The following ANK2 variants were observed in gnomAD, a reference collection of about 807,000 sequenced individuals.
ANK2 encodes the protein ankyrin-2.
In ANK2, 83 loss-of-function variants were observed where a neutral mutation model predicts 360.5. The observed-to-expected ratio is 0.23, with a 90% CI of 0.19 to 0.28. The LOEUF is 0.28. Among genes scored for constraint, ANK2 ranks in the 10% least tolerant of loss-of-function variants. The probability of loss-of-function intolerance (pLI) is 1.00; values close to 1 mark genes in which losing one functional copy is unlikely to be tolerated. For missense variants in ANK2, 4,201 were observed against 4,795.7 expected (o/e 0.88, Z 3.66); for synonymous variants, 1,740 against 1,759.5 (o/e 0.99, Z 0.28).
chr4:112,941,289 A>G (rs2154246649), intron 2 of ANK2, among the ~76,000 whole-genome samples: 1 of 147,698 alleles, frequency 6.8e-6, no homozygotes, highest in South Asian at 2.1e-4. Context: ...GTATATATAT[A>G]AAGATATATA....
At chr4:113,359,362 G>A (rs1442212179) in intron 38 of ANK2, 63 bp downstream of exon 38, 1 of 1,596,728 alleles carries the variant, frequency 6.3e-7, no homozygotes, top group African/African-American at 1.3e-5. Context: ...TAGTTTTTTT[G>A]TATGTTTGTT....
intron 2 of ANK2, among the ~76,000 whole-genome samples, chr4:113,012,865 T>G (rs2055233972): frequency 6.6e-6 from 1 of 152,174 alleles, no homozygotes; most frequent in Non-Finnish European, 1.5e-5. Context: ...GCTATTCCAT[T>G]GGATCTCACA....
At chr4:113,343,858 G>T (rs1305683687) in intron 34 of ANK2, among the ~76,000 whole-genome samples, 12 of 152,106 alleles carry the variant, frequency 7.9e-5, no homozygotes, top group Admixed American at 7.9e-4. Context: ...CTAATCCAGA[G>T]GTCCTAACGC....
At chr4:113,175,334 GA>G in intron 2 of ANK2, among the ~76,000 whole-genome samples, 1 of 152,094 alleles carries the variant, frequency 6.6e-6, no homozygotes, top group East Asian at 1.9e-4. Flanking sequence ...ATAGACCACT[GA>G]AATTAATAAA....
intron 20 of ANK2, among the ~76,000 whole-genome samples, chr4:113,289,221 T>C (rs1052138103): frequency 3.3e-5 from 5 of 150,626 alleles, no homozygotes; most frequent in Admixed American, 6.6e-5. Context: ...TTTTCTTTTT[T>C]TTTTTTTTTT....
the ANK2 span, among the ~76,000 whole-genome samples, chr4:112,729,334 G>GAT: frequency 3.9e-5 from 6 of 152,056 alleles, no homozygotes; most frequent in Non-Finnish European, 7.4e-5. Flanking sequence ...TTCACTCTTG[G>GAT]ATATATATCC....
intron 2 of ANK2, among the ~76,000 whole-genome samples, chr4:112,973,138 C>A (rs1227392437): frequency 6.7e-6 from 1 of 149,574 alleles, no homozygotes; most frequent in African/African-American, 2.5e-5. Flanking sequence ...ATCTGTGTAA[C>A]CAAAACCCAC....
chr4:113,014,563 A>G (rs1334446260), intron 2 of ANK2, among the ~76,000 whole-genome samples: 1 of 152,130 alleles, frequency 6.6e-6, no homozygotes, highest in Non-Finnish European at 1.5e-5. Flanking sequence ...TCTAAAGGAT[A>G]CTGGTTGGTT....
intron 1 of ANK2, among the ~76,000 whole-genome samples, chr4:112,877,046 C>A (rs947339054): frequency 2.6e-5 from 4 of 152,158 alleles, no homozygotes; most frequent in Non-Finnish European, 5.9e-5. Context: ...ATAAGACCTT[C>A]AGAACAAAAC....
intron 2 of ANK2, among the ~76,000 whole-genome samples, chr4:112,974,083 T>G (rs1002652154): frequency 6.6e-6 from 1 of 152,200 alleles, no homozygotes; most frequent in Non-Finnish European, 1.5e-5. Flanking sequence ...TTAAATTATG[T>G]ATTGGAAAGA....
chr4:112,841,845 A>G lies in ANK2; in HGVS notation c.-40+23581A>G, dbSNP rs112871750. Reference sequence around the variant, plus strand: ...GGACAGATACATGAAGTTCTCACAGAAATGACTGTTGACCCCACTGAAAAT... The same window carrying G: ...GGACAGATACATGAAGTTCTCACAGGAATGACTGTTGACCCCACTGAAAAT... On this transcript the variant is annotated intron_variant, in intron 1 of 30. Transcript: ENST00000503271. Among the ~76,000 whole-genome samples, 827 of 152,316 alleles carry G rather than the reference A, an allele frequency of 5.4e-3. 5 individuals carry two copies. The highest frequency in any genetic ancestry group is 0.019 in the African/African-American group (771 of 41,556).
At chr4:112,851,380 G>A (rs1390470023) in intron 1 of ANK2, among the ~76,000 whole-genome samples, 4 of 152,140 alleles carry the variant, frequency 2.6e-5, no homozygotes, top group African/African-American at 4.8e-5. Context: ...TGAGACCAAG[G>A]TAGTGACACT....
At position 113,383,045 on chromosome 4, in the gene ANK2, T is replaced by G. The variant is rs567419487; in HGVS notation, c.*1574T>G. On this transcript the variant is annotated 3_prime_UTR_variant, in exon 46 of 46. Coordinates refer to ENST00000357077, the MANE Select transcript of ANK2 (RefSeq NM_001148.6). ...TTCACAAATATATTCATATAAACAG[T>G]ATACATTTTGAATCAGTCATTTGTT... 1 of 152,634 alleles carries G rather than the reference T, an allele frequency of 6.6e-6. No individual in the cohort carries two copies. The highest frequency in any genetic ancestry group is 6.5e-5 in the Admixed American group (1 of 15,282). 9.5% of individuals were successfully genotyped at this position (152,634 alleles called of 1,614,324 possible).
the ANK2 span, among the ~76,000 whole-genome samples, chr4:112,719,498 G>A: frequency 6.6e-6 from 1 of 152,102 alleles, no homozygotes; most frequent in African/African-American, 2.4e-5. Context: ...GGAGGCCGAG[G>A]TGGGTGGATC....
At chr4:112,961,058 CTG>C (rs1326175797) in intron 2 of ANK2, among the ~76,000 whole-genome samples, 2 of 146,616 alleles carry the variant, frequency 1.4e-5, no homozygotes, top group East Asian at 2.0e-4. Context: ...ATCTAAATAA[CTG>C]TTTTTTTTTT....
chr4:112,848,136 A>G (rs759622482), intron 1 of ANK2, among the ~76,000 whole-genome samples: 1 of 152,012 alleles, frequency 6.6e-6, no homozygotes, highest in Non-Finnish European at 1.5e-5. Flanking sequence ...TAATTAATGT[A>G]TTTATTTGAG....
At chr4:113,327,826 A>G (rs2090783283) in intron 26 of ANK2, among the ~76,000 whole-genome samples, 1 of 152,180 alleles carries the variant, frequency 6.6e-6, no homozygotes, top group African/African-American at 2.4e-5. Context: ...GGCACTTGAC[A>G]CTTAATAGGA....
chr4:112,914,143 C>A (rs1373445374), intron 2 of ANK2, among the ~76,000 whole-genome samples: 1 of 152,148 alleles, frequency 6.6e-6, no homozygotes, highest in African/African-American at 2.4e-5. Flanking sequence ...TCAAATCCAC[C>A]TGTCTGACTC....
intron 18 of ANK2, among the ~76,000 whole-genome samples, chr4:113,283,903 T>A (rs1461255756): frequency 6.6e-6 from 1 of 152,252 alleles, no homozygotes; most frequent in Non-Finnish European, 1.5e-5. Flanking sequence ...TTGGTCTTAA[T>A]GACATTTGTA....
Sources: allele counts gnomAD v4.1 joint callset (sites outside exome capture counted in the v4.1 genomes callset), GRCh38; gene constraint gnomAD v4.1.1; transcripts MANE v1.5; gene names NCBI Gene and HGNC (gene_info 2026-07-23, HGNC 2026-07-21).